The following CARD8 variants were observed in gnomAD, a reference collection of about 807,000 sequenced individuals.
CARD8 encodes the protein caspase recruitment domain-containing protein 8.
A neutral mutation model predicts 53.2 loss-of-function variants in CARD8; 38 were observed. That is an observed-to-expected ratio of 0.71 (90% CI 0.55 to 0.94). CARD8 has a LOEUF of 0.94. Among genes scored for constraint, CARD8 ranks in the 40% least tolerant of loss-of-function variants. The probability of loss-of-function intolerance (pLI) is 0.00; values close to 1 mark genes in which losing one functional copy is unlikely to be tolerated. For missense variants in CARD8, 561 were observed against 655.5 expected (o/e 0.86, Z 1.57); for synonymous variants, 245 against 244.9 (o/e 1.00, Z 0.00).
chr19:48,247,856 TTAAAA>T (rs963019945), intron 3 of CARD8, among the ~76,000 whole-genome samples: 1 of 151,766 alleles, frequency 6.6e-6, no homozygotes, highest in African/African-American at 2.4e-5. Flanking sequence ...AATTTTAACA[TTAAAA>T]TACACATGAT....
chr19:48,223,294 ACT>A (rs1205483477), intron 10 of CARD8, among the ~76,000 whole-genome samples: 6 of 150,262 alleles, frequency 4.0e-5, no homozygotes, highest in Admixed American at 3.3e-4. Flanking sequence ...ACAGAGCAAG[ACT>A]CTGTCTCAAA....
chr19:48,212,541 T>C (rs949039779), intron 13 of CARD8, among the ~76,000 whole-genome samples: 1 of 152,248 alleles, frequency 6.6e-6, no homozygotes, highest in African/African-American at 2.4e-5. Flanking sequence ...CTGTATAAAC[T>C]TGGCCAAATC....
At chr19:48,245,279 G>A (rs1217807810) in intron 3 of CARD8, among the ~76,000 whole-genome samples, 2 of 152,048 alleles carry the variant, frequency 1.3e-5, no homozygotes, top group South Asian at 2.1e-4. Context: ...GCACAATCTC[G>A]GCTCACTGCA....
chr19:48,204,110 C>G, downstream of CARD8: 1 of 452,928 alleles, frequency 2.2e-6, no homozygotes, highest in Non-Finnish European at 4.4e-6. Context: ...ATCTCCTTGT[C>G]CAAAGGGTCT....
intron 3 of CARD8, among the ~76,000 whole-genome samples, chr19:48,249,314 A>G (rs2046627664): frequency 1.3e-5 from 2 of 152,208 alleles, no homozygotes; most frequent in Non-Finnish European, 2.9e-5. Flanking sequence ...TACAAACCAA[A>G]TACATAAATC....
At chr19:48,255,699 G>C (rs1289967947) in intron 1 of CARD8, 93 bp downstream of exon 1, 1 of 152,122 alleles carries the variant, frequency 6.6e-6, no homozygotes, top group East Asian at 1.9e-4. Context: ...CTTCCTTGCT[G>C]ACTAAGAGGA....
intron 3 of CARD8, among the ~76,000 whole-genome samples, chr19:48,242,978 T>C (rs1240768838): frequency 6.6e-6 from 1 of 152,138 alleles, no homozygotes; most frequent in South Asian, 2.1e-4. Context: ...TTTTTGAAGA[T>C]TAACTTTTAT....
downstream of CARD8, among the ~76,000 whole-genome samples, chr19:48,207,734 G>GTTTTTTTTTTTTTGTTTT (rs1555790116): frequency 4.3e-5 from 5 of 116,548 alleles, no homozygotes; most frequent in South Asian, 2.7e-4. Flanking sequence ...TTGTTTTTCT[G>GTTTTTTTTTTTTTGTTTT]TTTTTTTTTT....
intron 6 of CARD8, chr19:48,232,932 A>G (rs2043179728): frequency 2.6e-6 from 1 of 378,714 alleles, no homozygotes; most frequent in African/African-American, 2.1e-5. Context: ...CAATGTGGAC[A>G]CAGCCAGATT....
At chr19:48,251,396 G>A (rs1254419824) in intron 1 of CARD8, among the ~76,000 whole-genome samples, 1 of 152,080 alleles carries the variant, frequency 6.6e-6, no homozygotes, top group Non-Finnish European at 1.5e-5. Context: ...ATGATATTGG[G>A]CAGTTTGGTA....
intron 8 of CARD8, 64 bp downstream of exon 8, chr19:48,231,596 C>T: frequency 6.7e-7 from 1 of 1,494,952 alleles, no homozygotes; most frequent in Non-Finnish European, 9.0e-7. Flanking sequence ...AGCCACCACG[C>T]CTGGCCTACA....
intron 10 of CARD8, among the ~76,000 whole-genome samples, chr19:48,222,611 C>T (rs1378573522): frequency 6.6e-6 from 1 of 151,852 alleles, no homozygotes; most frequent in Non-Finnish European, 1.5e-5. Flanking sequence ...ATCACTTGAA[C>T]CCAGGAGGCA....
chr19:48,238,345 A>T (rs1332263587), intron 5 of CARD8, 38 bp downstream of exon 5: 6 of 1,528,020 alleles, frequency 3.9e-6, no homozygotes, highest in Non-Finnish European at 4.4e-6. Context: ...CAAAATTCCA[A>T]ATCTTTAATT....
rs934348051 is a variant in CARD8 at position 48,229,700 on chromosome 19, G to A, written c.1035+738C>T. 2.0e-5 allele frequency among the ~76,000 whole-genome samples: 3 copies of A among 152,264 alleles called. 1 individual carries two copies. Among genetic ancestry groups the A allele is most frequent in the Non-Finnish European group, 4.4e-5 (3 of 68,050 alleles). Reference sequence around the variant, plus strand: ...TCTGCTTCATCACTAACTCAGAAGAGAGTGTGGGAATATGAGCCTTTAATA... The same window carrying A: ...TCTGCTTCATCACTAACTCAGAAGAAAGTGTGGGAATATGAGCCTTTAATA... On this transcript the variant is annotated intron_variant, in intron 10 of 13. Coordinates refer to ENST00000651546, the MANE Select transcript of CARD8 (RefSeq NM_001184900.3).
rs954048849 is a variant in CARD8, at chr19:48,248,149, A to G, written c.-44+1374T>C. Among the ~76,000 whole-genome samples the G allele has an allele frequency of 1.3e-4, 20 of 152,232 alleles. 1 individual carries two copies. Among genetic ancestry groups the G allele is most frequent in the Admixed American group, 1.2e-3 (18 of 15,278 alleles). On this transcript the variant is annotated intron_variant, in intron 3 of 13. Transcript: ENST00000651546. Reference sequence around the variant, plus strand: ...CAAAATTACATTCTTTAAAGTTCAAATACTAAAATTCTTGTATAGTATTTT... The same window carrying G: ...CAAAATTACATTCTTTAAAGTTCAAGTACTAAAATTCTTGTATAGTATTTT...
chr19:48,250,460 T>C lies in CARD8; in HGVS notation c.-251-613A>G, dbSNP rs183465659. Among the ~76,000 whole-genome samples the C allele has an allele frequency of 3.1e-3, 467 of 152,314 alleles. 4 individuals are homozygous for C. The highest frequency in any genetic ancestry group is 0.011 in the African/African-American group (443 of 41,566). On this transcript the variant is annotated intron_variant, in intron 1 of 13. Transcript: ENST00000651546. The stretch of plus-strand genomic sequence containing the variant: ...AAGCATACAAGGATAAGACCCCCCC[T>C]CTTCATGGCTTTCCTGGCTTTATTT...
At chr19:48,234,050 C>T (rs1600467631) in intron 6 of CARD8, 1 of 179,898 alleles carries the variant, frequency 5.6e-6, no homozygotes, top group Non-Finnish European at 1.2e-5. Context: ...CTCCCCTCCC[C>T]GGTGTTAAAC....
At chr19:48,217,851 G>A (rs1332142056) in intron 12 of CARD8, among the ~76,000 whole-genome samples, 1 of 152,154 alleles carries the variant, frequency 6.6e-6, no homozygotes, top group Non-Finnish European at 1.5e-5. Flanking sequence ...AAAAAATTGT[G>A]TTTATGATGT....
intron 3 of CARD8, among the ~76,000 whole-genome samples, chr19:48,242,842 G>A (rs1270239256): frequency 6.6e-6 from 1 of 152,054 alleles, no homozygotes; most frequent in African/African-American, 2.4e-5. Context: ...ATACCAAAGC[G>A]CCAATCTCCA....
Sources: allele counts gnomAD v4.1 joint callset (sites outside exome capture counted in the v4.1 genomes callset), GRCh38; gene constraint gnomAD v4.1.1; transcripts MANE v1.5; gene names NCBI Gene and HGNC (gene_info 2026-07-23, HGNC 2026-07-21).